Variants in PSG4 observed in about 807,000 individuals in gnomAD.
PSG4 encodes the protein pregnancy specific beta-1-glycoprotein 4.
PSG4 carries 61 observed loss-of-function variants against 44.3 expected under a neutral mutation model. That is an observed-to-expected ratio of 1.38 (90% confidence interval 1.12 to 1.70). The LOEUF is 1.70. PSG4 is among the 40% of genes most tolerant of loss of function. The probability of loss-of-function intolerance (pLI) is 0.00; values close to 1 mark genes in which losing one functional copy is unlikely to be tolerated. For synonymous variants in PSG4, 248 were observed against 191.3 expected, an observed-to-expected ratio of 1.30 and a Z score of -2.45; for missense variants, 677 against 511.7, an observed-to-expected ratio of 1.32 and a Z score of -3.12.
chr19:43,205,289 A>C lies in PSG4; in HGVS notation c.64+184T>G, dbSNP rs1214666451. On this transcript the variant is annotated intron_variant, in intron 1 of 5. Coordinates refer to ENST00000405312, the MANE Select transcript of PSG4 (RefSeq NM_002780.5). ...TACCTGGTTAATTTTTTGTGTTTTT[A>C]GTAGAGACAGGGCTTCACAGTGTTG... is the stretch of plus-strand genomic sequence containing the variant. Among the ~76,000 whole-genome samples, 7 of 142,216 alleles carry C rather than the reference A, an allele frequency of 4.9e-5. 1 individual carries two copies. The highest frequency in any genetic ancestry group is 7.5e-5 in the Non-Finnish European group (5 of 66,522). 93.3% of individuals were successfully genotyped at this position (142,216 alleles called of 152,430 possible). A position where few individuals can be genotyped will look rare whatever the true frequency, so the allele number is the denominator to read the frequency against.
intron 2 of PSG4, among the ~76,000 whole-genome samples, chr19:43,202,690 A>C (rs1967570209): frequency 1.4e-5 from 2 of 144,092 alleles, no homozygotes; most frequent in South Asian, 4.4e-4. Flanking sequence ...GATGGGGGTT[A>C]AGATCTGAGG....
chr19:43,205,074 C>G (rs201686402), intron 1 of PSG4: 3 of 168,026 alleles, frequency 1.8e-5, no homozygotes, highest in Non-Finnish European at 3.3e-5. Context: ...ACAGAGCCTT[C>G]TTTCCCTTTT....
chr19:43,200,209 T>C lies in PSG4; in HGVS notation c.431-1934A>G, dbSNP rs952074554. The stretch of plus-strand genomic sequence containing the variant: ...CCAATGGCTCGTGTGTCTGCCCACG[T>C]GAAGAAATCCAACTTATGAAAATGG... On this transcript the variant is annotated intron_variant, in intron 2 of 5. Transcript: ENST00000405312. Among the ~76,000 whole-genome samples, 3 of 144,630 alleles carry C rather than the reference T, an allele frequency of 2.1e-5. 1 individual carries two copies. Among genetic ancestry groups the C allele is most frequent in the Admixed American group, 2.1e-4 (3 of 14,522 alleles). The allele number at this position is 144,630 out of a possible 152,430, so 94.9% of individuals were successfully genotyped here. A position where few individuals can be genotyped will look rare whatever the true frequency, so the allele number is the denominator to read the frequency against.
rs193063508 is a variant in PSG4 at position 43,199,858 on chromosome 19, G to T, written c.431-1583C>A. Among the ~76,000 whole-genome samples, 72 of 145,596 alleles carry T rather than the reference G, an allele frequency of 4.9e-4. 10 individuals carry two copies. The highest frequency in any genetic ancestry group is 1.8e-3 in the African/African-American group (67 of 38,024). On this transcript the variant is annotated intron_variant, in intron 2 of 5. Transcript: ENST00000405312. The stretch of plus-strand genomic sequence containing the variant: ...AGGTTTAGGTGTGCCGTGAATTCCA[G>T]CAGGATCACATTATGCTCAAAGAAA...
rs1328160813 is a variant in PSG4 at position 43,193,269 on chromosome 19, A to C, written c.*103T>G. ...GTACAAGGGTTTTCCCATGAAATTT[A>C]CATCGAGTTGTCCACCTCCAGCTTA... On this transcript the variant is annotated 3_prime_UTR_variant, in exon 6 of 6. Coordinates refer to ENST00000405312, the MANE Select transcript of PSG4 (RefSeq NM_002780.5). The C allele has an allele frequency of 3.9e-6, 3 of 768,892 alleles. No individual in the cohort carries two copies. The African/African-American group carries it at 5.1e-5, about 13-fold the overall frequency. 47.6% of individuals were successfully genotyped at this position (768,892 alleles called of 1,614,324 possible).
chr19:43,204,699 C>CCCCCCCCCCCCCT (rs58719697), intron 1 of PSG4: 12 of 191,524 alleles, frequency 6.3e-5, no homozygotes, highest in Non-Finnish European at 7.5e-5. Flanking sequence ...TGTCTTCCCC[C>CCCCCCCCCCCCCT]CACGATGACT....
rs1226309584 is a variant in PSG4, at chr19:43,194,499, C to T, written c.1084G>A (p.Ala362Thr). 2.5e-6 allele frequency: 4 copies of T among 1,612,442 alleles called. No individual in the cohort carries two copies. Among genetic ancestry groups the T allele is most frequent in the Non-Finnish European group, 3.4e-6 (4 of 1,179,142 alleles). ...CCATTAATTGTCCAAGAATATTGTG[C>T]CCGTGGGTTAGACTCGGCGAAGCAG... Reference protein sequence around the residue: ...LSCFAESNPRAQYSWTINGKF... With the variant: ...LSCFAESNPRTQYSWTINGKF... Residue 362 changes from alanine (A) to threonine (T), a missense_variant, in exon 5 of 6, where the codon GCA becomes ACA. Physicochemically the swap from Ala to Thr is moderately conservative, Grantham distance 58. Coordinates refer to ENST00000405312, the MANE Select transcript of PSG4 (RefSeq NM_002780.5).
chr19:43,198,345 A>T, intron 2 of PSG4, 70 bp from the exon 3 acceptor site: 1 of 1,532,348 alleles, frequency 6.5e-7, no homozygotes, highest in African/African-American at 1.5e-5. Flanking sequence ...TTTTTCAATC[A>T]GAGTTGGCAT....
intron 2 of PSG4, 39 bp downstream of exon 2, chr19:43,203,847 C>T (rs1967629062): frequency 3.2e-6 from 5 of 1,568,024 alleles, no homozygotes; most frequent in Non-Finnish European, 4.3e-6. Context: ...GAAGTGACCC[C>T]TGTCCCCCAA....
intron 1 of PSG4, 192 bp from the exon 2 acceptor site, chr19:43,204,443 C>G: frequency 1.2e-6 from 1 of 808,324 alleles, no homozygotes; most frequent in Non-Finnish European, 1.8e-6. Context: ...AGATCAGCAG[C>G]ATGACCCCCA....
intron 2 of PSG4, chr19:43,198,692 T>G (rs11670648): frequency 0.26 from 49,191 of 190,812 alleles, 9,846 homozygotes; most frequent in African/African-American, 0.3. Flanking sequence ...AGCTTCCCTT[T>G]CCAAGGACAT....
rs57435560 is a variant in PSG4, at chr19:43,201,159, C to T, written c.430+2727G>A. Among the ~76,000 whole-genome samples the T allele has an allele frequency of 1.9e-3, 277 of 145,910 alleles. 49 individuals are homozygous for T. Among genetic ancestry groups the T allele is most frequent in the African/African-American group, 6.9e-3 (265 of 38,206 alleles). On this transcript the variant is annotated intron_variant, in intron 2 of 5. Coordinates refer to ENST00000405312, the MANE Select transcript of PSG4 (RefSeq NM_002780.5). ...TGTCTGAGTCCATCTGGCATCTAGT[C>T]TCAGGCTGGCTGTCCTCACTCGTTC...
chr19:43,195,466 T>C (rs1005196224), intron 3 of PSG4, among the ~76,000 whole-genome samples, 193 bp from the exon 4 acceptor site: 4 of 151,448 alleles, frequency 2.6e-5, no homozygotes, highest in South Asian at 2.1e-4. Flanking sequence ...CCTGCTCTGT[T>C]TTAGGGAGGC....
At chr19:43,194,940 G>A in intron 4 of PSG4, 55 bp downstream of exon 4, 3 of 1,596,780 alleles carry the variant, frequency 1.9e-6, no homozygotes, top group East Asian at 2.2e-5. Context: ...CCTGGCCTCT[G>A]GTGGTTTGGA....
In PSG4 at chr19:43,198,119, G is replaced by C. The variant is rs766807245; in HGVS notation, c.587C>G (p.Ser196Cys). 4 of 1,587,746 alleles carry C rather than the reference G, an allele frequency of 2.5e-6. No individual in the cohort carries two copies. In the South Asian group the frequency reaches 4.4e-5, roughly 18 times the overall value. Residue 196 changes from serine to cysteine, a missense_variant, in exon 3 of 6, where the codon TCC becomes TGC. Transcript: ENST00000405312. ...TATAAAGAGGGTCCTGTTGGTTTTG[G>C]ACAGCTGCAACCTGTGAGTCATAGG... is the stretch of plus-strand genomic sequence containing the variant. ...SLPMTHRLQL[S>C]KTNRTLFIFG...
chr19:43,197,643 G>A (rs1191812953), intron 3 of PSG4: 1 of 330,836 alleles, frequency 3.0e-6, no homozygotes, highest in Admixed American at 4.4e-5. Context: ...CAGAGGGAAG[G>A]GAAAATCCTG....
intron 2 of PSG4, among the ~76,000 whole-genome samples, chr19:43,200,232 T>C (rs1267867041): frequency 6.9e-6 from 1 of 144,454 alleles, no homozygotes; most frequent in Non-Finnish European, 1.5e-5. Context: ...CTTATGAAAA[T>C]GGCATCATCA....
In PSG4 at chr19:43,204,268, G is replaced by T; in HGVS notation, c.65-17C>A. 1 of 1,554,264 alleles carries T rather than the reference G, an allele frequency of 6.4e-7. No individual in the cohort carries two copies. Among genetic ancestry groups the T allele is most frequent in the Non-Finnish European group, 8.7e-7 (1 of 1,154,876 alleles). ...AAAGTGATGCTAGGAGGTACAGAGA[G>T]CATCAGTTAATATTGAGACCTATGT... On this transcript the variant is annotated splice_polypyrimidine_tract_variant and intron_variant, in intron 1 of 5. Transcript: ENST00000405312.
intron 1 of PSG4, among the ~76,000 whole-genome samples, chr19:43,205,104 C>CTTTTTCCTTTTTTTT (rs1967715598): frequency 3.7e-5 from 2 of 54,062 alleles, no homozygotes; most frequent in African/African-American, 1.0e-4. Context: ...TCTTTTTTTC[C>CTTTTTCCTTTTTTTT]TTTTTTCTTT....
Sources: allele counts gnomAD v4.1 joint callset (sites outside exome capture counted in the v4.1 genomes callset), GRCh38; gene constraint gnomAD v4.1.1; transcripts MANE v1.5; gene names NCBI Gene and HGNC (gene_info 2026-07-23, HGNC 2026-07-21).